Variants in HECW1 observed in about 807,000 individuals in gnomAD.
The protein encoded by HECW1 is E3 ubiquitin-protein ligase HECW1.
HECW1 carries 61 observed loss-of-function variants against 182.3 expected under a neutral mutation model. The observed-to-expected ratio is 0.33, with a 90% CI of 0.27 to 0.41. The LOEUF (loss-of-function observed/expected upper bound fraction) is 0.41. HECW1 is among the 10% of genes least tolerant of loss of function. The pLI, the probability that HECW1 is intolerant of heterozygous loss-of-function variation, is 1.00. For missense variants in HECW1, 1,739 were observed against 2,108.9 expected, an observed-to-expected ratio of 0.82 and a Z score of 3.44; for synonymous variants, 859 against 832.6, an observed-to-expected ratio of 1.03 and a Z score of -0.55.
chr7:43,555,783 A>G (rs116284161), intron 29 of HECW1, among the ~76,000 whole-genome samples: 1 of 152,306 alleles, frequency 6.6e-6, no homozygotes, highest in African/African-American at 2.4e-5. Flanking sequence ...TCACCCACTC[A>G]GTTCAGCAGA....
rs568969201 is a variant in HECW1, at chr7:43,306,903, A to T, written c.28-4860A>T. Among the ~76,000 whole-genome samples the T allele has an allele frequency of 1.1e-3, 172 of 152,320 alleles. 1 individual carries two copies. Among genetic ancestry groups the T allele is most frequent in the Non-Finnish European group, 1.8e-3 (122 of 68,012 alleles). ...TTAATGTGCTATACTCCATGAGACTATCTTAAAACATATTAAACCCACAAG... is the reference window on the plus strand; with the variant it reads ...TTAATGTGCTATACTCCATGAGACTTTCTTAAAACATATTAAACCCACAAG... On this transcript the variant is annotated intron_variant, in intron 3 of 29. Transcript: ENST00000395891.
intron 3 of HECW1, chr7:43,245,321 A>G (rs1200240998): frequency 1.3e-5 from 2 of 152,212 alleles, no homozygotes; most frequent in Non-Finnish European, 2.9e-5. Context: ...TTGCTAAGAG[A>G]AAGTTTCCAT....
chr7:43,541,953 C>T lies in HECW1; in HGVS notation c.4203C>T (p.Asp1401=). ...GGATGAAGGACAACAACATCACAGACATCTTAGACCTCACTTTCACTGTTA... is the reference window on the plus strand; with the variant it reads ...GGATGAAGGACAACAACATCACAGATATCTTAGACCTCACTTTCACTGTTA... ...LQWMKDNNIT[D]ILDLTFTVNE... is the part of the protein sequence containing the mutation. Residue 1401 remains aspartate (D), a synonymous_variant, in exon 26 of 30, where the codon GAC becomes GAT. Transcript: ENST00000395891. 1 of 1,555,482 alleles carries T rather than the reference C, an allele frequency of 6.4e-7. No homozygotes were observed. The highest frequency in any genetic ancestry group is 8.7e-7 in the Non-Finnish European group (1 of 1,151,312).
At chr7:43,542,993 C>G (rs1053615015) in intron 26 of HECW1, among the ~76,000 whole-genome samples, 5 of 152,172 alleles carry the variant, frequency 3.3e-5, no homozygotes, top group Non-Finnish European at 7.3e-5. Flanking sequence ...TTTATCACAT[C>G]CAGATAGCTA....
At chr7:43,379,958 T>C (rs1421682599) in intron 6 of HECW1, among the ~76,000 whole-genome samples, 1 of 152,216 alleles carries the variant, frequency 6.6e-6, no homozygotes, top group African/African-American at 2.4e-5. Context: ...ACCAGAGCAG[T>C]ACCTGGCACA....
chr7:43,544,004 C>A (rs1382852798), intron 26 of HECW1, among the ~76,000 whole-genome samples: 1 of 152,006 alleles, frequency 6.6e-6, no homozygotes, highest in Non-Finnish European at 1.5e-5. Flanking sequence ...TAAGTTAGAT[C>A]CCTAACCTAA....
chr7:43,276,147 A>G (rs1803115137), intron 3 of HECW1, among the ~76,000 whole-genome samples: 1 of 152,178 alleles, frequency 6.6e-6, no homozygotes, highest in South Asian at 2.1e-4. Context: ...TGTAAGGGAT[A>G]TCAGAAATGG....
intron 2 of HECW1, among the ~76,000 whole-genome samples, chr7:43,228,113 A>G (rs531026440): frequency 6.6e-6 from 1 of 152,360 alleles, no homozygotes; most frequent in African/African-American, 2.4e-5. Flanking sequence ...AAAATTGGAA[A>G]TCTTCCATTA....
intron 6 of HECW1, among the ~76,000 whole-genome samples, chr7:43,374,914 T>C (rs1226950608): frequency 6.6e-6 from 1 of 151,332 alleles, no homozygotes; most frequent in Admixed American, 6.6e-5. Context: ...ATTGATATAA[T>C]AAAATATATA....
chr7:43,198,736 CCA>C (rs1794752650), intron 2 of HECW1, among the ~76,000 whole-genome samples: 1 of 149,496 alleles, frequency 6.7e-6, no homozygotes, highest in Admixed American at 6.6e-5. Flanking sequence ...CTCTCACACC[CCA>C]CACTCTCACA....
intron 10 of HECW1, 46 bp downstream of exon 10, chr7:43,442,675 A>G (rs751352258): frequency 3.8e-5 from 49 of 1,291,324 alleles, no homozygotes; most frequent in Non-Finnish European, 5.2e-5. Flanking sequence ...CTAGTGTCAT[A>G]AGTGTGGTTC....
chr7:43,523,595 C>T (rs182486467), intron 24 of HECW1, among the ~76,000 whole-genome samples: 63 of 152,098 alleles, frequency 4.1e-4, no homozygotes, highest in African/African-American at 1.3e-3. Flanking sequence ...GCAGAGATCT[C>T]GCCATTGCAC....
chr7:43,398,699 G>A (rs1443197160), intron 7 of HECW1, among the ~76,000 whole-genome samples: 1 of 152,208 alleles, frequency 6.6e-6, no homozygotes, highest in African/African-American at 2.4e-5. Context: ...TATCAAGAGA[G>A]GGGAATTGCA....
chr7:43,426,190 AAC>A (rs1226918454), intron 8 of HECW1, among the ~76,000 whole-genome samples: 2 of 152,184 alleles, frequency 1.3e-5, no homozygotes, highest in Non-Finnish European at 2.9e-5. Context: ...GAGGTCACAG[AAC>A]ATCCTTTTAC....
intron 8 of HECW1, among the ~76,000 whole-genome samples, chr7:43,430,202 C>A (rs1360004513): frequency 1.3e-5 from 2 of 152,196 alleles, no homozygotes; most frequent in African/African-American, 4.8e-5. Context: ...CTTTCTCACT[C>A]AGGTCTGAAA....
chr7:43,257,884 G>A (rs1429122381), intron 3 of HECW1, among the ~76,000 whole-genome samples: 2 of 152,058 alleles, frequency 1.3e-5, no homozygotes, highest in Admixed American at 6.5e-5. Context: ...GGATAACATG[G>A]GTGAAGCACT....
Position 43,563,451 on chromosome 7 carries a change from G to T in HECW1, c.*1525G>T, listed in dbSNP as rs2082261095. ...GCTCAAGAGACCCCACTATTTAAATGTCATTTAATTGTTTTCCATATTAAA... is the reference window on the plus strand; with the variant it reads ...GCTCAAGAGACCCCACTATTTAAATTTCATTTAATTGTTTTCCATATTAAA... On this transcript the variant is annotated 3_prime_UTR_variant, in exon 30 of 30. Transcript: ENST00000395891. The T allele has an allele frequency of 5.0e-6, 1 of 198,392 alleles. No individual in the cohort carries two copies. Among genetic ancestry groups the T allele is most frequent in the South Asian group, 1.9e-4 (1 of 5,226 alleles). The allele number at this position is 198,392 out of a possible 1,614,324, so 12.3% of individuals were successfully genotyped here.
chr7:43,243,925 G>T lies in HECW1; in HGVS notation c.20G>T (p.Ser7Ile), dbSNP rs1237555161. 1 of 1,611,044 alleles carries T rather than the reference G, an allele frequency of 6.2e-7. No homozygotes were observed. Among genetic ancestry groups the T allele is most frequent in the Admixed American group, 1.7e-5 (1 of 60,014 alleles). The part of the protein sequence containing the change: MLLHLC[S>I]VKNLYQNRFL... ...GTCATTATGCTGCTGCACCTGTGTA[G>T]TGTGAAGGTCAGTGTGCTTTTCTGA... Residue 7 changes from serine (S) to isoleucine (I), a missense_variant, in exon 3 of 30, where the codon AGT becomes ATT. Ser to Ile is a moderately radical substitution (Grantham distance 142). Coordinates refer to ENST00000395891, the MANE Select transcript of HECW1 (RefSeq NM_015052.5). This position sits in a 1 kb window ranked among gnomAD's most constrained non-coding sequence, Gnocchi z 4.0.
chr7:43,345,810 AC>A (rs2152803169), intron 5 of HECW1, among the ~76,000 whole-genome samples: 1 of 151,552 alleles, frequency 6.6e-6, no homozygotes, highest in African/African-American at 2.4e-5. Context: ...ACACACACAC[AC>A]ACACACACAC....
Sources: allele counts gnomAD v4.1 joint callset (sites outside exome capture counted in the v4.1 genomes callset), GRCh38; gene constraint gnomAD v4.1.1; non-coding constraint Gnocchi (gnomAD v3.1); transcripts MANE v1.5; gene names NCBI Gene and HGNC (gene_info 2026-07-23, HGNC 2026-07-21).